The following ABCA13 variants were observed in gnomAD, a reference collection of about 807,000 sequenced individuals.
ABCA13 encodes the protein ATP binding cassette subfamily A member 13, also known as ATP-binding cassette sub-family A member 13.
ABCA13 carries 476 observed loss-of-function variants against 478.7 expected under a neutral mutation model. The observed-to-expected ratio is 0.99, with a 90% CI of 0.92 to 1.07. ABCA13 has a LOEUF of 1.07. Ranked by LOEUF, ABCA13 falls within the 50% of genes least tolerant of loss-of-function variation. The probability of loss-of-function intolerance (pLI) is 0.00; values close to 1 mark genes in which losing one functional copy is unlikely to be tolerated. For synonymous variants in ABCA13, 2,252 were observed against 2,158.9 expected (o/e 1.04, Z -1.20); for missense variants, 6,060 against 5,910.6 (o/e 1.03, Z -0.83).
rs546779326 is a variant in ABCA13, at chr7:48,294,462, C to T, written c.8956-1238C>T. ...TTTTTGTTTTGTTTTTTTTTTGAGA[C>T]GGAGTCTCGCTCTGTCGCCCAGGCC... On this transcript the variant is annotated intron_variant, in intron 20 of 61. Transcript: ENST00000435803. Among the ~76,000 whole-genome samples the T allele has an allele frequency of 3.5e-3, 452 of 130,760 alleles. 4 individuals are homozygous for T. Among genetic ancestry groups the T allele is most frequent in the Non-Finnish European group, 5.3e-3 (335 of 63,694 alleles). The allele number at this position is 130,760 out of a possible 152,430, so 85.8% of individuals were successfully genotyped here.
rs111564118 is a variant in ABCA13, at chr7:48,278,239, G to A, written c.7045G>A (p.Gly2349Arg). 9.1e-3 allele frequency: 14,608 copies of A among 1,609,484 alleles called. 125 individuals carry two copies. Among genetic ancestry groups the A allele is most frequent in the Middle Eastern group, 0.056 (340 of 6,040 alleles). The change falls in exon 18 of 62, where the codon GGA (glycine) becomes AGA (arginine). Residue 2349 changes from glycine (G) to arginine (R), a missense_variant. This residue lies in a region of ABCA13 where 4,423 missense variants were observed against 4,309.1 expected (regional missense o/e 1.03). Transcript: ENST00000435803. ...GAAAAGTTCATTTATATTAGACAAT[G>A]GAGAATTTTATTTTGATACTCATCA... ...LMKSSFILDN[G>R]EFYFDTHQGL... is the part of the protein sequence containing the mutation.
Position 48,274,884 on chromosome 7 carries a change from G to C in ABCA13, c.5218G>C (p.Val1740Leu). The C allele has an allele frequency of 6.2e-7, 1 of 1,613,952 alleles. No individual in the cohort carries two copies. ...QLSRLFPKDV[V>L]DAVIDVYYVL... ...CTCACGCCTGTTTCCTAAAGATGTT[G>C]TGGATGCTGTGATAGATGTGTACTA... is the stretch of plus-strand genomic sequence containing the variant. Residue 1740 changes from valine (V) to leucine (L), a missense_variant, in exon 17 of 62, where the codon GTG becomes CTG. Around this residue, in one of 3 missense-constraint regions of ABCA13, gnomAD observed 4,423 missense variants for 4,309.1 expected, o/e 1.03. Coordinates refer to ENST00000435803, the MANE Select transcript of ABCA13 (RefSeq NM_152701.5).
At chr7:48,221,063 A>AT (rs1258586090) in intron 4 of ABCA13, among the ~76,000 whole-genome samples, 2 of 152,118 alleles carry the variant, frequency 1.3e-5, no homozygotes, top group Non-Finnish European at 2.9e-5. Flanking sequence ...TACCAGTTAA[A>AT]TTTTTTCCAT....
At chr7:48,427,686 A>T in intron 41 of ABCA13, 80 bp from the exon 42 acceptor site, 2 of 866,918 alleles carry the variant, frequency 2.3e-6, no homozygotes, top group Non-Finnish European at 3.7e-6. Flanking sequence ...CAACCGGATT[A>T]GGCAATTGAG....
In ABCA13 at chr7:48,291,788, A is replaced by C. The variant is rs1236257848; in HGVS notation, c.8955+3710A>C. On this transcript the variant is annotated intron_variant, in intron 20 of 61. Transcript: ENST00000435803. ...TAACATAGACAGCAGACACCACTCC[A>C]CCTGCTCAGTCCGTCAACCTTCACA... Among the ~76,000 whole-genome samples the C allele has an allele frequency of 2.6e-5, 4 of 152,096 alleles. No individual in the cohort carries two copies. In the East Asian group the frequency reaches 5.8e-4, roughly 22 times the overall value.
intron 43 of ABCA13, among the ~76,000 whole-genome samples, chr7:48,463,876 A>G (rs561925036): frequency 2.3e-4 from 35 of 151,920 alleles, no homozygotes; most frequent in Admixed American, 1.8e-3. Flanking sequence ...GGAATGGAGG[A>G]AGGAAGGGGA....
intron 49 of ABCA13, among the ~76,000 whole-genome samples, chr7:48,506,758 A>G (rs963669286): frequency 6.6e-6 from 1 of 152,158 alleles, no homozygotes; most frequent in Non-Finnish European, 1.5e-5. Context: ...GCCTCCTTGA[A>G]TATTTCTCAT....
At chr7:48,228,222 G>A (rs575739326) in intron 6 of ABCA13, among the ~76,000 whole-genome samples, 4 of 152,202 alleles carry the variant, frequency 2.6e-5, no homozygotes, top group Non-Finnish European at 4.4e-5. Flanking sequence ...TGGGGCCTGT[G>A]CTTTGGGGAG....
In ABCA13 at chr7:48,367,900, A is replaced by T. The variant is rs1366688625; in HGVS notation, c.10795A>T (p.Ile3599Leu). 2.6e-6 allele frequency: 4 copies of T among 1,568,246 alleles called. No individual in the cohort carries two copies. The Admixed American group carries it at 7.5e-5, about 30-fold the overall frequency. The change falls in exon 32 of 62, where the codon ATA (isoleucine) becomes TTA (leucine). Residue 3599 changes from isoleucine to leucine, a missense_variant. By Grantham distance (5) the Ile-to-Leu change is conservative. Coordinates refer to ENST00000435803, the MANE Select transcript of ABCA13 (RefSeq NM_152701.5). ...RKLVYEQEIQ[I>L]EEYMRMMGVH... Reference sequence around the variant, plus strand: ...GTTGGTGTATGAGCAGGAGATACAGATAGAAGAGGTAAATATCCTTAAACC... The same window carrying T: ...GTTGGTGTATGAGCAGGAGATACAGTTAGAAGAGGTAAATATCCTTAAACC...
chr7:48,306,329 G>A (rs1800902161), intron 23 of ABCA13, among the ~76,000 whole-genome samples: 1 of 152,230 alleles, frequency 6.6e-6, no homozygotes, highest in African/African-American at 2.4e-5. Context: ...ACCACTGTGT[G>A]ACATGCTAGA....
At position 48,313,234 on chromosome 7, in the gene ABCA13, G is replaced by A. The variant is rs774432663; in HGVS notation, c.9681+3G>A. 1 of 1,606,348 alleles carries A rather than the reference G, an allele frequency of 6.2e-7. No individual in the cohort carries two copies. Among genetic ancestry groups the A allele is most frequent in the Non-Finnish European group, 8.5e-7 (1 of 1,176,296 alleles). ...TAGAAACCCTGGACTTTCAACAGGT[G>A]TGTGTTTCATCTTTGTCCCTAGGGA... is the stretch of plus-strand genomic sequence containing the variant. On this transcript the variant is annotated splice_donor_region_variant and intron_variant, in intron 25 of 61. Coordinates refer to ENST00000435803, the MANE Select transcript of ABCA13 (RefSeq NM_152701.5).
intron 15 of ABCA13, among the ~76,000 whole-genome samples, chr7:48,250,038 C>T (rs144626735): frequency 6.6e-6 from 1 of 152,308 alleles, no homozygotes; most frequent in East Asian, 1.9e-4. Flanking sequence ...ATCAGGATTC[C>T]CATGAACCCC....
At chr7:48,516,976 T>C in intron 52 of ABCA13, 95 bp downstream of exon 52, 1 of 1,368,006 alleles carries the variant, frequency 7.3e-7, no homozygotes, top group Non-Finnish European at 1.0e-6. Flanking sequence ...CTGACTGGAA[T>C]TCAATGGAAA....
At chr7:48,643,080 A>G (rs1247127144) in intron 59 of ABCA13, among the ~76,000 whole-genome samples, 1 of 152,112 alleles carries the variant, frequency 6.6e-6, no homozygotes, top group East Asian at 1.9e-4. Context: ...TTTTAAGGTA[A>G]TTCAGTGTCT....
intron 50 of ABCA13, among the ~76,000 whole-genome samples, chr7:48,510,416 C>T (rs548719903): frequency 6.6e-6 from 1 of 152,252 alleles, no homozygotes; most frequent in East Asian, 1.9e-4. Flanking sequence ...CTGCAGGGAG[C>T]ACCTTAAGGT....
intron 35 of ABCA13, among the ~76,000 whole-genome samples, chr7:48,383,954 G>C (rs1404667523): frequency 6.6e-6 from 1 of 152,160 alleles, no homozygotes; most frequent in East Asian, 1.9e-4. Flanking sequence ...CTCCTACTTT[G>C]CAAGTTTAAA....
At chr7:48,407,088 T>G (rs777271734) in intron 39 of ABCA13, among the ~76,000 whole-genome samples, 1 of 152,090 alleles carries the variant, frequency 6.6e-6, no homozygotes, top group Non-Finnish European at 1.5e-5. Flanking sequence ...AATTGTGTAT[T>G]TGTGGTGTAT....
At chr7:48,373,415 G>T (rs1459761300) in intron 33 of ABCA13, among the ~76,000 whole-genome samples, 1 of 152,164 alleles carries the variant, frequency 6.6e-6, no homozygotes, top group Non-Finnish European at 1.5e-5. Context: ...CAAGTGATTT[G>T]TCTTCAACTT....
intron 20 of ABCA13, among the ~76,000 whole-genome samples, chr7:48,288,828 G>T (rs915514814): frequency 1.3e-5 from 2 of 152,098 alleles, no homozygotes; most frequent in African/African-American, 4.8e-5. Flanking sequence ...AGCTGAATCA[G>T]ACAATGTGTC....
Sources: gnomAD v4.1 joint callset for allele counts (sites outside exome capture counted in the v4.1 genomes callset) on GRCh38, gnomAD v4.1.1 for gene constraint, gnomAD v4.1.1 regional missense constraint, MANE v1.5 for transcripts, NCBI Gene and HGNC (gene_info 2026-07-23, HGNC 2026-07-21) for gene names.